The following PFKP variants were observed in gnomAD, a reference collection of about 807,000 sequenced individuals.
PFKP encodes phosphofructokinase, platelet.
Under a neutral mutation model 94.3 loss-of-function variants are expected in PFKP, and 101 were observed. The observed-to-expected ratio is 1.07, with a 90% CI of 0.91 to 1.26. The LOEUF is 1.26. PFKP is among the 50% of genes most tolerant of loss of function. The pLI is 0.00. For missense variants in PFKP, 1,145 were observed against 1,103.3 expected (o/e 1.04, Z -0.53); for synonymous variants, 573 against 432.6 (o/e 1.32, Z -4.03).
chr10:3,069,178 G>T (rs1001130453), intron 1 of PFKP: 2 of 1,202,174 alleles, frequency 1.7e-6, no homozygotes, highest in African/African-American at 3.2e-5. Context: ...GGCAGCGCCA[G>T]GCCCCGCCCC....
rs767072584 is a variant in PFKP at position 3,101,349 on chromosome 10, C to G, written c.265-16C>G. ...CTCAGACTGAGAGGAGATAAATTAG[C>G]TGGTGTCTTTCCCAGGGCGGGACGA... On this transcript the variant is annotated splice_polypyrimidine_tract_variant and intron_variant, in intron 3 of 21. Transcript: ENST00000381125. 8.3e-6 allele frequency: 13 copies of G among 1,564,174 alleles called. No homozygotes were observed. The highest frequency in any genetic ancestry group is 5.2e-6 in the Non-Finnish European group (6 of 1,153,974).
chr10:3,067,779 G>A (rs993896705), intron 1 of PFKP, 72 bp downstream of exon 1: 14 of 743,180 alleles, frequency 1.9e-5, no homozygotes, highest in Non-Finnish European at 2.8e-5. Context: ...CGAAGGCGAT[G>A]GGGTGACCGG....
At position 3,072,041 on chromosome 10, in the gene PFKP, C is replaced by CA. The variant is rs1832237049; in HGVS notation, c.112+4335dup. On this transcript the variant is annotated intron_variant, in intron 1 of 21. Coordinates refer to ENST00000381125, the MANE Select transcript of PFKP (RefSeq NM_002627.5). Reference sequence around the variant, plus strand: ...CTGGTGTCTTTCCCGCGCCCAGCACCATGCCTGGCGCTTCGCAGGAATGCA... The same window carrying CA: ...CTGGTGTCTTTCCCGCGCCCAGCACCAATGCCTGGCGCTTCGCAGGAATGCA... Among the ~76,000 whole-genome samples, 3 of 152,324 alleles carry CA rather than the reference C, an allele frequency of 2.0e-5. No homozygotes were observed. In the South Asian group the frequency reaches 6.2e-4, roughly 32 times the overall value.
chr10:3,112,557 TAAC>T (rs1295219298), intron 11 of PFKP, among the ~76,000 whole-genome samples: 1 of 152,192 alleles, frequency 6.6e-6, no homozygotes, highest in African/African-American at 2.4e-5. Flanking sequence ...TGTGGCCCTT[TAAC>T]AACAAACCAA....
intron 17 of PFKP, among the ~76,000 whole-genome samples, chr10:3,130,619 G>A (rs1838467267): frequency 6.6e-6 from 1 of 152,200 alleles, no homozygotes; most frequent in African/African-American, 2.4e-5. Flanking sequence ...GAGTGCAGTG[G>A]CGTGGTCTCG....
At chr10:3,097,663 A>G (rs1303751245) in intron 2 of PFKP, among the ~76,000 whole-genome samples, 1 of 152,126 alleles carries the variant, frequency 6.6e-6, no homozygotes, top group African/African-American at 2.4e-5. Flanking sequence ...GTTCCATTCC[A>G]GACTGTTTTC....
At chr10:3,134,729 TG>T (rs1839027303) in intron 20 of PFKP, 147 bp downstream of exon 20, 1 of 575,426 alleles carries the variant, frequency 1.7e-6, no homozygotes. Flanking sequence ...TCCTGATCTC[TG>T]AGTGTTGCTA....
At chr10:3,132,624 A>T (rs1838721407) in intron 18 of PFKP, among the ~76,000 whole-genome samples, 183 bp downstream of exon 18, 1 of 86,706 alleles carries the variant, frequency 1.2e-5, no homozygotes, top group Non-Finnish European at 3.2e-5. Flanking sequence ...GCATTTAGAC[A>T]ACTAATATTT....
chr10:3,068,627 A>G (rs556271634), intron 1 of PFKP: 2 of 981,790 alleles, frequency 2.0e-6, no homozygotes, highest in South Asian at 4.7e-5. Context: ...CCGGGAGGAT[A>G]TTTAACATTG....
At chr10:3,136,366 A>C (rs554978573) in intron 21 of PFKP, 84 bp from the exon 22 acceptor site, 1 of 1,460,956 alleles carries the variant, frequency 6.8e-7, no homozygotes, top group Admixed American at 1.7e-5. Context: ...TGTTTCTGGC[A>C]AGACCGCTCG....
At chr10:3,088,862 A>C (rs566107116) in intron 2 of PFKP, among the ~76,000 whole-genome samples, 1 of 150,046 alleles carries the variant, frequency 6.7e-6, no homozygotes, top group South Asian at 2.1e-4. Context: ...TCTCGTCTCT[A>C]TGAGATCAAC....
rs149128435 is a variant in PFKP at position 3,100,608 on chromosome 10, C to T, written c.265-757C>T. On this transcript the variant is annotated intron_variant, in intron 3 of 21. Coordinates refer to ENST00000381125, the MANE Select transcript of PFKP (RefSeq NM_002627.5). ...GAGAGCTTCGCCTCCAGTGCAGAGA[C>T]AACCCCTGCTGTGCTTATGAGCACC... Among the ~76,000 whole-genome samples the T allele has an allele frequency of 2.9e-3, 440 of 152,282 alleles. 3 individuals carry two copies. The highest frequency in any genetic ancestry group is 3.1e-3 in the Non-Finnish European group (208 of 68,024).
intron 2 of PFKP, among the ~76,000 whole-genome samples, chr10:3,093,251 C>T (rs895101927): frequency 6.6e-5 from 10 of 152,162 alleles, no homozygotes; most frequent in African/African-American, 2.2e-4. Flanking sequence ...CCCCCACCTT[C>T]CCCCAACAGT....
At chr10:3,079,673 G>GGGGGGGGGGA (rs1832891526) in intron 1 of PFKP, among the ~76,000 whole-genome samples, 1 of 113,332 alleles carries the variant, frequency 8.8e-6, no homozygotes, top group African/African-American at 3.1e-5. Flanking sequence ...GGGGGGGGGG[G>GGGGGGGGGGA]GAAGAGGAGC....
intron 3 of PFKP, among the ~76,000 whole-genome samples, chr10:3,099,947 G>A (rs924295920): frequency 2.0e-5 from 3 of 151,850 alleles, no homozygotes; most frequent in African/African-American, 7.3e-5. Flanking sequence ...GAGTGTGTAT[G>A]TGTGGTGTGC....
chr10:3,132,080 G>T (rs1219954466), intron 17 of PFKP, among the ~76,000 whole-genome samples: 1 of 152,138 alleles, frequency 6.6e-6, no homozygotes, highest in Non-Finnish European at 1.5e-5. Flanking sequence ...ATAGAGCCAT[G>T]AATGATCACT....
chr10:3,067,764 C>G (rs1588362301), intron 1 of PFKP, 57 bp downstream of exon 1: 2 of 937,676 alleles, frequency 2.1e-6, no homozygotes, highest in Admixed American at 2.9e-5. Flanking sequence ...CTGGGGAGAA[C>G]CGGGCGAAGG....
At chr10:3,125,338 C>A (rs1450629233) in intron 16 of PFKP, 2 of 585,618 alleles carry the variant, frequency 3.4e-6, no homozygotes, top group Non-Finnish European at 4.3e-6. Context: ...CGGATTTATT[C>A]TTCTTCTTTT....
chr10:3,134,060 C>G (rs1838917949), intron 19 of PFKP, among the ~76,000 whole-genome samples: 1 of 152,136 alleles, frequency 6.6e-6, no homozygotes, highest in Non-Finnish European at 1.5e-5. Context: ...ACACTCCTTC[C>G]TCACCACCTC....
Sources: allele counts gnomAD v4.1 joint callset (sites outside exome capture counted in the v4.1 genomes callset), GRCh38; gene constraint gnomAD v4.1.1; transcripts MANE v1.5; gene names NCBI Gene and HGNC (gene_info 2026-07-23, HGNC 2026-07-21).